The following CMSS1 variants were observed in gnomAD, a reference collection of about 807,000 sequenced individuals.
CMSS1 encodes cms1 ribosomal small subunit homolog, also known as protein CMSS1.
Under a neutral mutation model 43.5 loss-of-function variants are expected in CMSS1, and 33 were observed. The observed-to-expected ratio is 0.76, with a 90% confidence interval of 0.57 to 1.01. The LOEUF (loss-of-function observed/expected upper bound fraction) is 1.01, where lower values mean the gene tolerates loss of function less well. CMSS1 is among the 50% of genes least tolerant of loss of function. The pLI, the probability that CMSS1 is intolerant of heterozygous loss-of-function variation, is 0.00. For synonymous variants in CMSS1, 115 were observed against 117.2 expected (o/e 0.98, Z 0.12); for missense variants, 313 against 326.4 (o/e 0.96, Z 0.32).
intron 1 of CMSS1, among the ~76,000 whole-genome samples, chr3:100,049,062 C>T (rs924496636): frequency 3.9e-5 from 6 of 152,104 alleles, no homozygotes; most frequent in Non-Finnish European, 7.4e-5. Context: ...GAAACAAAGT[C>T]GATGTCTGAA....
At chr3:100,082,437 C>T (rs548705416) in intron 1 of CMSS1, among the ~76,000 whole-genome samples, 1 of 152,314 alleles carries the variant, frequency 6.6e-6, no homozygotes, top group African/African-American at 2.4e-5. Flanking sequence ...TCATAACTTA[C>T]AGCTTTAAGA....
intron 1 of CMSS1, among the ~76,000 whole-genome samples, chr3:100,037,959 G>T (rs1211885747): frequency 4.3e-5 from 4 of 92,404 alleles, no homozygotes; most frequent in African/African-American, 1.6e-4. Flanking sequence ...TTTTTTTTGG[G>T]GGGGGAGGGA....
intron 2 of CMSS1, among the ~76,000 whole-genome samples, chr3:100,148,105 G>A (rs111646291): frequency 1.3e-4 from 20 of 152,208 alleles, no homozygotes; most frequent in African/African-American, 4.6e-4. Context: ...TTGAGATAGG[G>A]TCTTGCTCTG....
intron 8 of CMSS1, 76 bp from the exon 9 acceptor site, chr3:100,176,251 G>A (rs1559780289): frequency 9.7e-6 from 10 of 1,029,684 alleles, no homozygotes; most frequent in Admixed American, 2.0e-5. Context: ...AAAGTAACCC[G>A]GAGAATAAAA....
At chr3:100,123,605 G>C (rs1446354759) in intron 1 of CMSS1, among the ~76,000 whole-genome samples, 1 of 152,204 alleles carries the variant, frequency 6.6e-6, no homozygotes, top group East Asian at 1.9e-4. Flanking sequence ...GGTACTCCCA[G>C]GCCGTGCGCT....
intron 1 of CMSS1, chr3:99,876,049 C>G: frequency 1.0e-6 from 1 of 985,712 alleles, no homozygotes; most frequent in Non-Finnish European, 1.2e-6. Context: ...CTTGGTGGAG[C>G]GAAGTTGCTC....
chr3:100,010,552 C>T (rs988134662), intron 1 of CMSS1, among the ~76,000 whole-genome samples: 1 of 151,832 alleles, frequency 6.6e-6, no homozygotes, highest in African/African-American at 2.4e-5. Flanking sequence ...TCTGGCATTC[C>T]TCAACATGTT....
chr3:100,026,660 C>T (rs2064927451), intron 1 of CMSS1, among the ~76,000 whole-genome samples: 1 of 152,146 alleles, frequency 6.6e-6, no homozygotes. Flanking sequence ...ACATCTAATT[C>T]ATCAGGAAAT....
At chr3:100,057,649 A>T (rs2065488052) in intron 1 of CMSS1, among the ~76,000 whole-genome samples, 1 of 152,134 alleles carries the variant, frequency 6.6e-6, no homozygotes, top group Non-Finnish European at 1.5e-5. Flanking sequence ...ATGCTTTGGG[A>T]TCAGGCCCCA....
At chr3:100,162,772 A>G (rs1167454105) in intron 4 of CMSS1, among the ~76,000 whole-genome samples, 1 of 152,214 alleles carries the variant, frequency 6.6e-6, no homozygotes, top group Non-Finnish European at 1.5e-5. Flanking sequence ...TCAAGAGTTC[A>G]AGACCAGACT....
chr3:99,889,898 A>T (rs1297186437), intron 1 of CMSS1, among the ~76,000 whole-genome samples: 2 of 152,108 alleles, frequency 1.3e-5, no homozygotes, highest in Admixed American at 6.6e-5. Context: ...TTCTAACTTT[A>T]ATTCCATAGG....
At chr3:99,933,092 T>C (rs1183724085) in intron 1 of CMSS1, among the ~76,000 whole-genome samples, 5 of 152,176 alleles carry the variant, frequency 3.3e-5, no homozygotes, top group African/African-American at 4.8e-5. Flanking sequence ...TTATTGAAGG[T>C]TGCACAGCTA....
rs1439027940 is a variant in CMSS1 at position 100,117,863 on chromosome 3, A to G, written c.65-29110A>G. On this transcript the variant is annotated intron_variant, in intron 1 of 9. Coordinates refer to ENST00000421999, the MANE Select transcript of CMSS1 (RefSeq NM_032359.4). ...TATATATATATATATACATATATAT[A>G]TATATATATATATATACACATACAA... Among the ~76,000 whole-genome samples, 86 of 140,272 alleles carry G rather than the reference A, an allele frequency of 6.1e-4. 4 individuals are homozygous for G. Among genetic ancestry groups the G allele is most frequent in the Non-Finnish European group, 1.2e-3 (76 of 65,524 alleles). The allele number at this position is 140,272 out of a possible 152,430, so 92.0% of individuals were successfully genotyped here.
At chr3:100,071,498 T>C (rs963309397) in intron 1 of CMSS1, among the ~76,000 whole-genome samples, 1 of 152,100 alleles carries the variant, frequency 6.6e-6, no homozygotes, top group Non-Finnish European at 1.5e-5. Context: ...AAGCATTCAC[T>C]AAAATTTACA....
chr3:100,156,761 G>A (rs577330255), intron 2 of CMSS1, among the ~76,000 whole-genome samples: 41 of 152,170 alleles, frequency 2.7e-4, no homozygotes, highest in South Asian at 4.2e-4. Context: ...GACTACAGGC[G>A]CCTGCCACCA....
At chr3:100,117,063 G>T (rs1254432988) in intron 1 of CMSS1, among the ~76,000 whole-genome samples, 1 of 152,118 alleles carries the variant, frequency 6.6e-6, no homozygotes, top group Non-Finnish European at 1.5e-5. Flanking sequence ...AGTTTATAAA[G>T]ACTGAGGGAA....
intron 1 of CMSS1, among the ~76,000 whole-genome samples, chr3:99,948,194 G>T (rs1216444229): frequency 6.6e-6 from 1 of 152,096 alleles, no homozygotes; most frequent in Admixed American, 6.5e-5. Flanking sequence ...ACATTGCATG[G>T]TATAGGACAT....
chr3:99,895,479 T>G (rs929231236), intron 1 of CMSS1, among the ~76,000 whole-genome samples: 5 of 152,100 alleles, frequency 3.3e-5, no homozygotes, highest in African/African-American at 1.2e-4. Flanking sequence ...GGCAAGAGCT[T>G]ATTTTTTGGC....
At chr3:99,827,230 C>T (rs1164021384) in intron 1 of CMSS1, among the ~76,000 whole-genome samples, 1 of 152,154 alleles carries the variant, frequency 6.6e-6, no homozygotes, top group Non-Finnish European at 1.5e-5. Context: ...CTCACTCTGT[C>T]ACCAAGGCTA....
Sources: allele counts gnomAD v4.1 joint callset (sites outside exome capture counted in the v4.1 genomes callset), GRCh38; gene constraint gnomAD v4.1.1; transcripts MANE v1.5; gene names NCBI Gene and HGNC (gene_info 2026-07-23, HGNC 2026-07-21).